The following AP4E1 variants were observed in gnomAD, a reference collection of about 807,000 sequenced individuals.
AP4E1 encodes AP-4 complex subunit epsilon-1.
Under a neutral mutation model 128.2 loss-of-function variants are expected in AP4E1, and 56 were observed. That is an observed-to-expected ratio of 0.44 (90% CI 0.35 to 0.55). The LOEUF (loss-of-function observed/expected upper bound fraction) is 0.55, where lower values mean the gene tolerates loss of function less well. AP4E1 is among the 20% of genes least tolerant of loss of function. The pLI, the probability that AP4E1 is intolerant of heterozygous loss-of-function variation, is 0.00. For missense variants in AP4E1, 1,324 were observed against 1,307.7 expected (o/e 1.01, Z -0.19); for synonymous variants, 484 against 473.1 (o/e 1.02, Z -0.30).
intron 13 of AP4E1, among the ~76,000 whole-genome samples, chr15:50,951,519 T>C (rs1330768101): frequency 6.6e-6 from 1 of 152,156 alleles, no homozygotes; most frequent in African/African-American, 2.4e-5. Flanking sequence ...CTTGTGCATA[T>C]AGGTGAGTGT....
chr15:50,998,711 G>A lies in AP4E1; in HGVS notation c.2905-361G>A, dbSNP rs116597521. ...CTTTAACTCTACCACCAAAGCTTGA[G>A]GGTAGAGAATGAGAATAGATGACAT... On this transcript the variant is annotated intron_variant, in intron 18 of 20. Transcript: ENST00000261842. Among the ~76,000 whole-genome samples, 325 of 152,144 alleles carry A rather than the reference G, an allele frequency of 2.1e-3. 2 individuals carry two copies. The highest frequency in any genetic ancestry group is 7.6e-3 in the African/African-American group (315 of 41,510).
At chr15:50,917,536 CAG>C (rs139989153) in intron 3 of AP4E1, among the ~76,000 whole-genome samples, 2,811 of 152,228 alleles carry the variant, frequency 0.018, 105 homozygotes, top group African/African-American at 0.064. Context: ...CTCTGGAAGA[CAG>C]ATCCAAATAA....
At chr15:50,908,557 C>A (rs12908516), upstream of AP4E1, 1 of 494,024 alleles carries the variant, frequency 2.0e-6, no homozygotes, top group Non-Finnish European at 3.3e-6. Context: ...CTTACGCGCG[C>A]AATCTCGAGC....
intron 3 of AP4E1, among the ~76,000 whole-genome samples, chr15:50,921,923 G>T (rs1470716899): frequency 1.3e-5 from 2 of 152,018 alleles, no homozygotes; most frequent in Non-Finnish European, 2.9e-5. Flanking sequence ...TCATTGAGAT[G>T]GTCTTTGGAT....
chr15:50,924,830 A>G (rs1234503381), intron 4 of AP4E1, among the ~76,000 whole-genome samples: 3 of 152,210 alleles, frequency 2.0e-5, no homozygotes, highest in African/African-American at 4.8e-5. Context: ...AAAGGCTGTA[A>G]TAAAGGAGAC....
At chr15:50,996,367 A>T (rs531605412) in intron 17 of AP4E1, among the ~76,000 whole-genome samples, 41 of 152,118 alleles carry the variant, frequency 2.7e-4, no homozygotes, top group African/African-American at 9.9e-4. Flanking sequence ...ATTAGTAACT[A>T]TCGAAAATAA....
At chr15:50,966,069 C>T (rs960649429) in intron 14 of AP4E1, among the ~76,000 whole-genome samples, 1 of 152,058 alleles carries the variant, frequency 6.6e-6, no homozygotes, top group African/African-American at 2.4e-5. Context: ...AGGTGCGCGC[C>T]ACCACGCCTG....
Position 50,946,563 on chromosome 15 carries a change from G to GA in AP4E1, c.1177-1447dup, listed in dbSNP as rs141910204. On this transcript the variant is annotated intron_variant, in intron 10 of 20. Transcript: ENST00000261842. ...GATAATAAAACTTCCTTTCAGCGTTGAAAAAAAAAATCTTTCAAAATATGT... is the reference window on the plus strand; with the variant it reads ...GATAATAAAACTTCCTTTCAGCGTTGAAAAAAAAAAATCTTTCAAAATATGT... Among the ~76,000 whole-genome samples the GA allele has an allele frequency of 7.9e-3, 1,175 of 149,140 alleles. 23 individuals are homozygous for GA. The highest frequency in any genetic ancestry group is 6.0e-3 in the Non-Finnish European group (404 of 67,104).
At chr15:50,998,946 A>G in intron 18 of AP4E1, 126 bp from the exon 19 acceptor site, 3 of 822,648 alleles carry the variant, frequency 3.6e-6, no homozygotes, top group Non-Finnish European at 5.9e-6. Context: ...TTCATAATGT[A>G]GTTTGTTATT....
intron 7 of AP4E1, among the ~76,000 whole-genome samples, chr15:50,932,042 C>T (rs1052792456): frequency 5.3e-5 from 8 of 151,858 alleles, no homozygotes; most frequent in South Asian, 2.1e-4. Flanking sequence ...TGTAGTGGCG[C>T]GATCTCAGCT....
rs768213913 is a variant in AP4E1 at position 50,968,325 on chromosome 15, G to A, written c.1914G>A (p.Ala638=). The A allele has an allele frequency of 3.7e-5, 59 of 1,613,480 alleles. No homozygotes were observed. In the East Asian group the frequency reaches 9.6e-4, roughly 26 times the overall value. Residue 638 remains alanine (A), a synonymous_variant, in exon 15 of 21, where the codon GCG becomes GCA. Coordinates refer to ENST00000261842, the MANE Select transcript of AP4E1 (RefSeq NM_007347.5). ...CTGAAGGACTCAGTCAGGGTGCAGC[G>A]CCTTACAAACCTCCCCATCAACGCC... ...FVAEGLSQGA[A]PYKPPHQRQE...
At chr15:50,977,404 C>A (rs1427041129) in intron 15 of AP4E1, among the ~76,000 whole-genome samples, 1 of 152,138 alleles carries the variant, frequency 6.6e-6, no homozygotes, top group Non-Finnish European at 1.5e-5. Context: ...CATTTTTTCC[C>A]ATAGAACCAC....
intron 15 of AP4E1, among the ~76,000 whole-genome samples, chr15:50,981,935 A>G (rs1389706700): frequency 1.3e-5 from 2 of 151,978 alleles, no homozygotes; most frequent in Admixed American, 6.6e-5. Context: ...AAAATACGAA[A>G]TTAGCCGGGC....
rs770733828 is a variant in AP4E1, at chr15:50,997,736, G to C, written c.2757G>C (p.Met919Ile). 6.2e-7 allele frequency: 1 copy of C among 1,613,724 alleles called. No individual in the cohort carries two copies. The highest frequency in any genetic ancestry group is 2.2e-5 in the East Asian group (1 of 44,842). Reference sequence around the variant, plus strand: ...CTGAATACATACACTCAAATGCTATGGAAGTCTGTAATAATGAAACTATAT... The same window carrying C: ...CTGAATACATACACTCAAATGCTATCGAAGTCTGTAATAATGAAACTATAT... ...ETTEYIHSNA[M>I]EVCNNETISV... The change falls in exon 18 of 21, where the codon ATG becomes ATC. Residue 919 changes from methionine to isoleucine, a missense_variant. Physicochemically the swap from Met to Ile is conservative, Grantham distance 10. Transcript: ENST00000261842.
intron 15 of AP4E1, among the ~76,000 whole-genome samples, chr15:50,980,484 A>G (rs2064628862): frequency 6.6e-6 from 1 of 152,190 alleles, no homozygotes; most frequent in Admixed American, 6.5e-5. Context: ...CAGACGGAAA[A>G]TTTTCAGCCT....
rs1357629229 is a variant in AP4E1 at position 51,003,414 on chromosome 15, A to G, written c.*752A>G. ...AAAACCCATAAGAGCACACAGTAAC[A>G]AAGCAAACAGATACAAAAATGACTT... On this transcript the variant is annotated 3_prime_UTR_variant, in exon 21 of 21. Coordinates refer to ENST00000261842, the MANE Select transcript of AP4E1 (RefSeq NM_007347.5). 7 of 152,412 alleles carry G rather than the reference A, an allele frequency of 4.6e-5. No individual in the cohort carries two copies. The South Asian group carries it at 8.3e-4, about 18-fold the overall frequency. The allele number at this position is 152,412 out of a possible 1,614,324, so 9.4% of individuals were successfully genotyped here. A position where few individuals can be genotyped will look rare whatever the true frequency, so the allele number is the denominator to read the frequency against.
At chr15:50,984,452 T>C (rs375357968) in intron 16 of AP4E1, among the ~76,000 whole-genome samples, 3 of 134,900 alleles carry the variant, frequency 2.2e-5, no homozygotes, top group African/African-American at 8.1e-5. Flanking sequence ...TACTATCCCT[T>C]CCCCCTCCCC....
chr15:50,965,100 C>T (rs530432932), intron 14 of AP4E1, among the ~76,000 whole-genome samples: 19 of 152,132 alleles, frequency 1.2e-4, no homozygotes, highest in Admixed American at 2.6e-4. Flanking sequence ...GAACAGATGC[C>T]GGTATCATGC....
intron 16 of AP4E1, among the ~76,000 whole-genome samples, chr15:50,987,583 A>G (rs1028298115): frequency 4.6e-5 from 7 of 152,050 alleles, no homozygotes; most frequent in African/African-American, 1.2e-4. Flanking sequence ...TCAGGAGCAG[A>G]TTGTTCAGTT....
Sources: allele counts gnomAD v4.1 joint callset (sites outside exome capture counted in the v4.1 genomes callset), GRCh38; gene constraint gnomAD v4.1.1; transcripts MANE v1.5; gene names NCBI Gene and HGNC (gene_info 2026-07-23, HGNC 2026-07-21).